Variants in AGBL4 observed in about 807,000 individuals in gnomAD.
The protein encoded by AGBL4 is AGBL carboxypeptidase 4, also known as cytosolic carboxypeptidase 6.
A neutral mutation model predicts 66.4 loss-of-function variants in AGBL4; 58 were observed. The observed-to-expected ratio is 0.87, with a 90% confidence interval of 0.71 to 1.09. AGBL4 has a LOEUF of 1.09. Ranked by LOEUF, AGBL4 falls within the 50% of genes least tolerant of loss-of-function variation. The pLI is 0.00. For missense variants in AGBL4, 579 were observed against 631.0 expected, an observed-to-expected ratio of 0.92 and a Z score of 0.88; for synonymous variants, 234 against 222.9, an observed-to-expected ratio of 1.05 and a Z score of -0.44.
intron 3 of AGBL4, among the ~76,000 whole-genome samples, chr1:49,491,148 G>A (rs1647177765): frequency 6.6e-6 from 1 of 151,768 alleles, no homozygotes; most frequent in Middle Eastern, 3.2e-3. Context: ...TGTGTCTAAT[G>A]CAGTACTGGT....
rs76587779 is a variant in AGBL4, at chr1:49,824,546, A to G, written c.157+26850T>C. 2.0e-5 allele frequency among the ~76,000 whole-genome samples: 3 copies of G among 152,362 alleles called. No individual in the cohort carries two copies. In the East Asian group the frequency reaches 5.8e-4, roughly 29 times the overall value. On this transcript the variant is annotated intron_variant, in intron 2 of 13. Transcript: ENST00000371839. Reference sequence around the variant, plus strand: ...AGAAGCTATTCACTTAAACCAACCTATGGTTTCAGAAGCAATGAAGCCATT... The same window carrying G: ...AGAAGCTATTCACTTAAACCAACCTGTGGTTTCAGAAGCAATGAAGCCATT...
intron 6 of AGBL4, among the ~76,000 whole-genome samples, chr1:48,708,523 G>C (rs1424096890): frequency 1.3e-5 from 2 of 152,182 alleles, no homozygotes; most frequent in East Asian, 1.9e-4. Context: ...CCATGGTTGG[G>C]TGGGTTTCTA....
intron 5 of AGBL4, among the ~76,000 whole-genome samples, chr1:48,906,301 A>G (rs1652580434): frequency 6.6e-6 from 1 of 152,214 alleles, no homozygotes; most frequent in African/African-American, 2.4e-5. Flanking sequence ...GGAGAGAGAT[A>G]AATCATGTAC....
chr1:49,083,469 T>C (rs1015366232), intron 4 of AGBL4, among the ~76,000 whole-genome samples: 32 of 152,246 alleles, frequency 2.1e-4, no homozygotes, highest in African/African-American at 7.7e-4. Context: ...GCTTGGGGCT[T>C]GCACCCTGTG....
At chr1:48,560,183 C>G (rs551142421) in intron 11 of AGBL4, among the ~76,000 whole-genome samples, 1 of 152,288 alleles carries the variant, frequency 6.6e-6, no homozygotes, top group South Asian at 2.1e-4. Context: ...TTCACTATGA[C>G]CTCAAGTTTC....
At chr1:49,401,309 C>T (rs1055289366) in intron 3 of AGBL4, among the ~76,000 whole-genome samples, 6 of 152,104 alleles carry the variant, frequency 3.9e-5, no homozygotes, top group African/African-American at 1.4e-4. Context: ...GAGAAACAAC[C>T]TCTGTGATTC....
intron 9 of AGBL4, among the ~76,000 whole-genome samples, chr1:48,592,111 G>A (rs1456205971): frequency 6.6e-6 from 1 of 152,170 alleles, no homozygotes; most frequent in Non-Finnish European, 1.5e-5. Context: ...CCCTTTCTGA[G>A]AATAAGGGAA....
At chr1:49,471,541 C>A (rs1646745259) in intron 3 of AGBL4, among the ~76,000 whole-genome samples, 1 of 151,660 alleles carries the variant, frequency 6.6e-6, no homozygotes, top group Non-Finnish European at 1.5e-5. Context: ...AACTAGGGAC[C>A]TTGGGACCCA....
chr1:48,730,209 T>C (rs1254672442), intron 6 of AGBL4, among the ~76,000 whole-genome samples: 1 of 152,110 alleles, frequency 6.6e-6, no homozygotes, highest in African/African-American at 2.4e-5. Flanking sequence ...ACTGGGACAC[T>C]CAGGCATTCC....
intron 4 of AGBL4, among the ~76,000 whole-genome samples, chr1:49,103,172 C>T (rs2148005365): frequency 6.6e-6 from 1 of 152,264 alleles, no homozygotes; most frequent in East Asian, 1.9e-4. Context: ...GTCTTTGGGA[C>T]CCCAGATTGA....
intron 3 of AGBL4, among the ~76,000 whole-genome samples, chr1:49,432,480 T>C (rs1645808920): frequency 6.6e-6 from 1 of 152,184 alleles, no homozygotes; most frequent in Admixed American, 6.6e-5. Flanking sequence ...CCAGGGACAA[T>C]ACTACTGCAT....
intron 3 of AGBL4, among the ~76,000 whole-genome samples, chr1:49,533,733 A>G (rs1292767436): frequency 6.6e-6 from 1 of 152,076 alleles, no homozygotes; most frequent in Non-Finnish European, 1.5e-5. Context: ...AGGATCCTAT[A>G]TGATTCTTGA....
At chr1:49,555,020 A>C (rs957584816) in intron 3 of AGBL4, among the ~76,000 whole-genome samples, 6 of 152,212 alleles carry the variant, frequency 3.9e-5, no homozygotes, top group Non-Finnish European at 8.8e-5. Flanking sequence ...GAAGAGCAAA[A>C]GAACAAAGCT....
intron 3 of AGBL4, among the ~76,000 whole-genome samples, chr1:49,313,983 G>C (rs1331095887): frequency 1.3e-5 from 2 of 152,150 alleles, no homozygotes; most frequent in East Asian, 1.9e-4. Flanking sequence ...TTTTCTTCTA[G>C]GGTTTTCATG....
At chr1:49,903,408 C>T (rs1190796086) in intron 1 of AGBL4, among the ~76,000 whole-genome samples, 1 of 152,052 alleles carries the variant, frequency 6.6e-6, no homozygotes, top group Non-Finnish European at 1.5e-5. Flanking sequence ...GGGTACTATG[C>T]TTATTATCTA....
rs541087274 is a variant in AGBL4, at chr1:49,051,057, TC to T, written c.378-5258del. On this transcript the variant is annotated intron_variant, in intron 4 of 13. Transcript: ENST00000371839. ...TCTCTAAAACAGCAGCATTCTCTGG[TC>T]CTCCTCAGGAGCCTTGAAAGACAGG... Among the ~76,000 whole-genome samples, 35 of 152,162 alleles carry T rather than the reference TC, an allele frequency of 2.3e-4. 1 individual carries two copies. In the South Asian group the frequency reaches 7.3e-3, roughly 32 times the overall value.
At chr1:49,286,668 C>A (rs1309386754) in intron 3 of AGBL4, among the ~76,000 whole-genome samples, 1 of 151,626 alleles carries the variant, frequency 6.6e-6, no homozygotes, top group Non-Finnish European at 1.5e-5. Flanking sequence ...ATGTGAAGGA[C>A]CTCTTCAAGG....
intron 3 of AGBL4, among the ~76,000 whole-genome samples, chr1:49,539,613 C>G (rs1334107790): frequency 6.6e-6 from 1 of 152,184 alleles, no homozygotes; most frequent in African/African-American, 2.4e-5. Flanking sequence ...AAAGTATCTG[C>G]ATAATAAACC....
At chr1:49,606,615 T>G (rs1282195036) in intron 3 of AGBL4, among the ~76,000 whole-genome samples, 2 of 152,160 alleles carry the variant, frequency 1.3e-5, no homozygotes, top group East Asian at 3.8e-4. Flanking sequence ...AGTGTTACAT[T>G]CTTTACAAAT....
Sources: gnomAD v4.1 joint callset for allele counts (sites outside exome capture counted in the v4.1 genomes callset) on GRCh38, gnomAD v4.1.1 for gene constraint, MANE v1.5 for transcripts, NCBI Gene and HGNC (gene_info 2026-07-23, HGNC 2026-07-21) for gene names.